AGMO: variants seen among roughly 807,000 people sequenced by gnomAD.
The protein encoded by AGMO is glyceryl-ether monooxygenase.
In AGMO, 75 loss-of-function variants were observed where a neutral mutation model predicts 60.2. That is an observed-to-expected ratio of 1.25 (90% CI 1.03 to 1.51). AGMO has a LOEUF of 1.51. Ranked by LOEUF, AGMO falls within the 40% of genes most tolerant of loss-of-function variation. The pLI, the probability that AGMO is intolerant of heterozygous loss-of-function variation, is 0.00. For missense variants in AGMO, 763 were observed against 525.5 expected (o/e 1.45, Z -4.42); for synonymous variants, 261 against 177.1 (o/e 1.47, Z -3.76).
At chr7:15,544,983 A>G in intron 2 of AGMO, 60 bp from the exon 3 acceptor site, 1 of 1,218,838 alleles carries the variant, frequency 8.2e-7, no homozygotes, top group African/African-American at 1.6e-5. Flanking sequence ...AATTACGCTA[A>G]AATGTTTTAG....
chr7:15,428,273 A>C (rs1583541615), intron 4 of AGMO, among the ~76,000 whole-genome samples: 2 of 152,226 alleles, frequency 1.3e-5, no homozygotes, highest in Middle Eastern at 3.4e-3. Flanking sequence ...CTATCTTCCA[A>C]GGGACCTAGA....
intron 12 of AGMO, among the ~76,000 whole-genome samples, chr7:15,225,010 A>ACCCC (rs1377768196): frequency 6.6e-6 from 1 of 152,042 alleles, no homozygotes; most frequent in Non-Finnish European, 1.5e-5. Context: ...ATTCACAGGT[A>ACCCC]GAAGGAAGAG....
At chr7:15,177,676 G>A in the AGMO span, among the ~76,000 whole-genome samples, 2 of 152,006 alleles carry the variant, frequency 1.3e-5, no homozygotes, top group African/African-American at 4.8e-5. Context: ...TTACTCGGTA[G>A]AATAGAAGAT....
chr7:15,404,818 G>A (rs529181326), intron 5 of AGMO, among the ~76,000 whole-genome samples: 33 of 151,702 alleles, frequency 2.2e-4, no homozygotes, highest in Non-Finnish European at 4.4e-4. Context: ...ATTGCCAACC[G>A]ACTATGTGCC....
chr7:15,183,710 G>C, the AGMO span, among the ~76,000 whole-genome samples: 1 of 152,182 alleles, frequency 6.6e-6, no homozygotes, highest in Non-Finnish European at 1.5e-5. Flanking sequence ...GATTCAATGA[G>C]TTAAGACACA....
At chr7:15,382,719 A>T (rs777811383) in intron 10 of AGMO, among the ~76,000 whole-genome samples, 1 of 152,116 alleles carries the variant, frequency 6.6e-6, no homozygotes, top group Non-Finnish European at 1.5e-5. Flanking sequence ...TCAATCCTGG[A>T]AACACTTGCC....
intron 4 of AGMO, among the ~76,000 whole-genome samples, chr7:15,424,576 G>C (rs1028923225): frequency 6.6e-6 from 1 of 152,104 alleles, no homozygotes; most frequent in Non-Finnish European, 1.5e-5. Context: ...GAATATTTCT[G>C]TAAGCTACAG....
the AGMO span, among the ~76,000 whole-genome samples, chr7:15,194,364 A>G: frequency 2.7e-5 from 4 of 147,564 alleles, no homozygotes; most frequent in African/African-American, 7.3e-5. Context: ...TAATGGTTAA[A>G]TAAGTAAAAT....
chr7:15,276,450 T>C (rs1055558291), intron 12 of AGMO, among the ~76,000 whole-genome samples: 4 of 152,280 alleles, frequency 2.6e-5, no homozygotes, highest in African/African-American at 9.6e-5. Flanking sequence ...TGTTTCTCTC[T>C]AGCTGCTTTT....
intron 3 of AGMO, among the ~76,000 whole-genome samples, chr7:15,450,341 A>C (rs1039353446): frequency 6.7e-6 from 1 of 150,156 alleles, no homozygotes; most frequent in African/African-American, 2.5e-5. Context: ...AATGGCATGA[A>C]CCCAGGGGGC....
At position 15,539,864 on chromosome 7, in the gene AGMO, T is replaced by C. The variant is rs1009677709; in HGVS notation, c.409+4908A>G. Reference sequence around the variant, plus strand: ...GTAAGAAGGTATCTTACTGTGGTTTTGATTTTCATTTCTGTAATGATTAGT... The same window carrying C: ...GTAAGAAGGTATCTTACTGTGGTTTCGATTTTCATTTCTGTAATGATTAGT... On this transcript the variant is annotated intron_variant, in intron 3 of 12. Transcript: ENST00000342526. 2.0e-5 allele frequency among the ~76,000 whole-genome samples: 3 copies of C among 152,318 alleles called. No homozygotes were observed. In the South Asian group the frequency reaches 6.2e-4, roughly 32 times the overall value.
At chr7:15,169,410 G>T in the AGMO span, among the ~76,000 whole-genome samples, 3 of 152,054 alleles carry the variant, frequency 2.0e-5, no homozygotes, top group East Asian at 5.8e-4. Context: ...GTAGTTTGTG[G>T]GCAATTGGTG....
chr7:15,198,240 A>AGAGAGAGAGAGG (rs1781180057), downstream of AGMO, among the ~76,000 whole-genome samples: 138 of 102,330 alleles, frequency 1.3e-3, 5 homozygotes, highest in Non-Finnish European at 2.1e-3. Flanking sequence ...AGAGAGAGAG[A>AGAGAGAGAGAGG]GAGAGAGAGA....
At chr7:15,278,869 G>A (rs111631801) in intron 12 of AGMO, among the ~76,000 whole-genome samples, 1 of 152,276 alleles carries the variant, frequency 6.6e-6, no homozygotes, top group African/African-American at 2.4e-5. Context: ...CATGGGGACA[G>A]GGTGACTCCA....
the AGMO span, among the ~76,000 whole-genome samples, chr7:15,160,148 A>T: frequency 1.3e-5 from 2 of 152,142 alleles, no homozygotes; most frequent in Non-Finnish European, 1.5e-5. Flanking sequence ...TGATATTTTC[A>T]TAGCACCCTT....
chr7:15,150,637 T>C, the AGMO span, among the ~76,000 whole-genome samples: 1 of 152,106 alleles, frequency 6.6e-6, no homozygotes, highest in Non-Finnish European at 1.5e-5. Context: ...CAACCTTGCA[T>C]CTCAGGAATA....
At chr7:15,204,009 T>C (rs1431072282) in intron 12 of AGMO, among the ~76,000 whole-genome samples, 1 of 152,046 alleles carries the variant, frequency 6.6e-6, no homozygotes, top group African/African-American at 2.4e-5. Flanking sequence ...TATAATAAAA[T>C]CCAGATTGGC....
At chr7:15,559,609 T>C (rs999189718) in intron 2 of AGMO, among the ~76,000 whole-genome samples, 2 of 151,972 alleles carry the variant, frequency 1.3e-5, no homozygotes, top group Non-Finnish European at 2.9e-5. Context: ...AGAGAAACAA[T>C]GTTCTCTATA....
At chr7:15,259,199 G>T (rs551778613) in intron 12 of AGMO, among the ~76,000 whole-genome samples, 1 of 151,908 alleles carries the variant, frequency 6.6e-6, no homozygotes, top group African/African-American at 2.4e-5. Flanking sequence ...GAAATAGATA[G>T]CATAAATAAA....
Sources: gnomAD v4.1 joint callset for allele counts (sites outside exome capture counted in the v4.1 genomes callset) on GRCh38, gnomAD v4.1.1 for gene constraint, MANE v1.5 for transcripts, NCBI Gene and HGNC (gene_info 2026-07-23, HGNC 2026-07-21) for gene names.